The following ELK4 variants were observed in gnomAD, a reference collection of about 807,000 sequenced individuals.
The protein encoded by ELK4 is ETS transcription factor ELK4.
In ELK4, 16 loss-of-function variants were observed where a neutral mutation model predicts 29.6. That is an observed-to-expected ratio of 0.54 (90% CI 0.37 to 0.82). ELK4 has a LOEUF of 0.82. Among genes scored for constraint, ELK4 ranks in the 40% least tolerant of loss-of-function variants. ELK4 has a pLI of 0.00. For missense variants in ELK4, 465 were observed against 507.1 expected (o/e 0.92, Z 0.80); for synonymous variants, 213 against 191.1 (o/e 1.11, Z -0.95).
chr1:205,614,110 C>G lies in ELK4; in HGVS notation c.*2436G>C, dbSNP rs1287326243. 2.7e-5 allele frequency: 6 copies of G among 223,292 alleles called. No homozygotes were observed. The East Asian group carries it at 3.2e-4, about 12-fold the overall frequency. 13.8% of individuals were successfully genotyped at this position (223,292 alleles called of 1,614,324 possible). On this transcript the variant is annotated 3_prime_UTR_variant, in exon 5 of 5. Coordinates refer to ENST00000357992, the MANE Select transcript of ELK4 (RefSeq NM_001973.4). ...TTGATCTCAAAGAGATAGCAGATCACCAATCTGTGACAGCCTCACACCTCT... is the reference window on the plus strand; with the variant it reads ...TTGATCTCAAAGAGATAGCAGATCAGCAATCTGTGACAGCCTCACACCTCT...
In ELK4 at chr1:205,631,622, GA is replaced by G. The variant is rs770307876; in HGVS notation, c.-10+9del. The G allele has an allele frequency of 1.0e-4, 32 of 309,792 alleles. 1 individual carries two copies. The highest frequency in any genetic ancestry group is 5.3e-4 in the South Asian group (23 of 43,426). 19.2% of individuals were successfully genotyped at this position (309,792 alleles called of 1,614,324 possible). A position where few individuals can be genotyped will look rare whatever the true frequency, so the allele number is the denominator to read the frequency against. The stretch of plus-strand genomic sequence containing the variant: ...AGATCCCGAGGGGGCGCGCGGGGCT[GA>G]CCGCTCACCGACGCCGCGCGCGGGG... On this transcript the variant is annotated intron_variant, in intron 1 of 4. Transcript: ENST00000357992.
Position 205,622,987 on chromosome 1 carries a change from CAAAT to C in ELK4, c.207+685_207+688del, listed in dbSNP as rs568740583. 4.6e-3 allele frequency among the ~76,000 whole-genome samples: 694 copies of C among 151,624 alleles called. 3 individuals are homozygous for C. Among genetic ancestry groups the C allele is most frequent in the African/African-American group, 0.016 (665 of 41,418 alleles). ...ACCCCACCTCTACTAAAAAAATAAA[CAAAT>C]AAATAAATAATAAAAAATTAGCTGG... On this transcript the variant is annotated intron_variant, in intron 2 of 4. Transcript: ENST00000357992.
At position 205,614,105 on chromosome 1, in the gene ELK4, G is replaced by C. The variant is rs1264977642; in HGVS notation, c.*2441C>G. Reference sequence around the variant, plus strand: ...ATTAGTTGATCTCAAAGAGATAGCAGATCACCAATCTGTGACAGCCTCACA... The same window carrying C: ...ATTAGTTGATCTCAAAGAGATAGCACATCACCAATCTGTGACAGCCTCACA... On this transcript the variant is annotated 3_prime_UTR_variant, in exon 5 of 5. Coordinates refer to ENST00000357992, the MANE Select transcript of ELK4 (RefSeq NM_001973.4). 4.5e-6 allele frequency: 1 copy of C among 223,666 alleles called. No homozygotes were observed. The highest frequency in any genetic ancestry group is 2.2e-5 in the African/African-American group (1 of 44,800). 13.9% of individuals were successfully genotyped at this position (223,666 alleles called of 1,614,324 possible).
chr1:205,624,937 CCTTT>C (rs910847583), intron 1 of ELK4, among the ~76,000 whole-genome samples: 1 of 152,144 alleles, frequency 6.6e-6, no homozygotes, highest in African/African-American at 2.4e-5. Flanking sequence ...TTTCAAAACA[CCTTT>C]CTATTAGGAA....
intron 1 of ELK4, among the ~76,000 whole-genome samples, chr1:205,631,142 C>A (rs531677168): frequency 2.0e-5 from 3 of 152,258 alleles, no homozygotes; most frequent in African/African-American, 7.2e-5. Context: ...GGGCGGGGGG[C>A]CGCTGGAGCG....
At chr1:205,628,430 T>C (rs1020572131) in intron 1 of ELK4, among the ~76,000 whole-genome samples, 17 of 152,208 alleles carry the variant, frequency 1.1e-4, no homozygotes, top group African/African-American at 3.6e-4. Context: ...AGACTGCTTA[T>C]AGGGGTGGAG....
chr1:205,624,290 TAAA>T (rs1670411387), intron 1 of ELK4, among the ~76,000 whole-genome samples: 1 of 152,226 alleles, frequency 6.6e-6, no homozygotes. Flanking sequence ...ATTTGAATCC[TAAA>T]ATCTCATTGC....
intron 4 of ELK4, 104 bp from the exon 5 acceptor site, chr1:205,616,748 T>C: frequency 1.1e-6 from 1 of 906,038 alleles, no homozygotes; most frequent in Non-Finnish European, 1.7e-6. Context: ...CCTTCTGTAA[T>C]GGCTCACAGG....
At chr1:205,627,858 T>C (rs1435831480) in intron 1 of ELK4, among the ~76,000 whole-genome samples, 1 of 152,204 alleles carries the variant, frequency 6.6e-6, no homozygotes, top group African/African-American at 2.4e-5. Context: ...TGAAGCTGGT[T>C]GTACAGAGAC....
intron 2 of ELK4, among the ~76,000 whole-genome samples, chr1:205,622,248 G>T (rs904667465): frequency 6.6e-6 from 1 of 152,026 alleles, no homozygotes; most frequent in Non-Finnish European, 1.5e-5. Context: ...AAGAAATTAA[G>T]ATCTCAGCAA....
Position 205,616,519 on chromosome 1 carries a change from G to A in ELK4, c.*27C>T, listed in dbSNP as rs377458271. ...TTGAATGTCTGTTTCTTCGTTCCTCGGTTCTCTCATTCCACAAGTGCATAG... is the reference window on the plus strand; with the variant it reads ...TTGAATGTCTGTTTCTTCGTTCCTCAGTTCTCTCATTCCACAAGTGCATAG... On this transcript the variant is annotated 3_prime_UTR_variant, in exon 5 of 5. Coordinates refer to ENST00000357992, the MANE Select transcript of ELK4 (RefSeq NM_001973.4). 1.9e-5 allele frequency: 31 copies of A among 1,589,800 alleles called. No individual in the cohort carries two copies. The highest frequency in any genetic ancestry group is 1.7e-4 in the Middle Eastern group (1 of 6,040).
chr1:205,623,049 T>G (rs941363733), intron 2 of ELK4, among the ~76,000 whole-genome samples: 2 of 151,362 alleles, frequency 1.3e-5, no homozygotes, highest in South Asian at 4.2e-4. Flanking sequence ...TCCCAGCTAC[T>G]TGGGAGGCTG....
At position 205,614,630 on chromosome 1, in the gene ELK4, G is replaced by C. The variant is rs949641190; in HGVS notation, c.*1916C>G. On this transcript the variant is annotated 3_prime_UTR_variant, in exon 5 of 5. Transcript: ENST00000357992. ...GATATAAAGGCAGCTCACTGAATAT[G>C]TTCCCTCTACTACTACTAAGTTAGC... 2 of 226,984 alleles carry C rather than the reference G, an allele frequency of 8.8e-6. No individual in the cohort carries two copies. The highest frequency in any genetic ancestry group is 4.4e-5 in the African/African-American group (2 of 44,994). The allele number at this position is 226,984 out of a possible 1,614,324, so 14.1% of individuals were successfully genotyped here.
At chr1:205,629,066 C>G (rs1670521324) in intron 1 of ELK4, among the ~76,000 whole-genome samples, 3 of 149,602 alleles carry the variant, frequency 2.0e-5, no homozygotes, top group African/African-American at 7.4e-5. Context: ...CCCAGCTACT[C>G]GGCAGGCTGA....
At position 205,608,603 on chromosome 1, in the gene ELK4, G is replaced by A; in HGVS notation, c.*7943C>T. 5.1e-6 allele frequency: 1 copy of A among 195,734 alleles called. No homozygotes were observed. Among genetic ancestry groups the A allele is most frequent in the Non-Finnish European group, 1.1e-5 (1 of 94,256 alleles). The allele number at this position is 195,734 out of a possible 1,614,324, so 12.1% of individuals were successfully genotyped here. On this transcript the variant is annotated 3_prime_UTR_variant, in exon 5 of 5. Coordinates refer to ENST00000357992, the MANE Select transcript of ELK4 (RefSeq NM_001973.4). Reference sequence around the variant, plus strand: ...AAGGTGCTTTTAATACTTTGAAGGTGCTTTTTAGGTCTCCCTAATGTAAAT... The same window carrying A: ...AAGGTGCTTTTAATACTTTGAAGGTACTTTTTAGGTCTCCCTAATGTAAAT...
intron 1 of ELK4, among the ~76,000 whole-genome samples, chr1:205,626,363 T>C (rs1670462211): frequency 1.3e-5 from 2 of 152,190 alleles, no homozygotes; most frequent in South Asian, 4.1e-4. Context: ...CCCCTTTCTC[T>C]GCCCGCCTTT....
At position 205,626,998 on chromosome 1, in the gene ELK4, G is replaced by A. The variant is rs532807417; in HGVS notation, c.-9-3107C>T. Among the ~76,000 whole-genome samples the A allele has an allele frequency of 2.6e-5, 4 of 152,238 alleles. No homozygotes were observed. In the East Asian group the frequency reaches 5.8e-4, roughly 22 times the overall value. ...AGGAATGAGGTACACACACACACAA[G>A]GACAAACCTTGAAAACATTATGCAA... On this transcript the variant is annotated intron_variant, in intron 1 of 4. Transcript: ENST00000357992.
chr1:205,624,003 T>C (rs1670403797), intron 1 of ELK4, 112 bp from the exon 2 acceptor site: 2 of 978,568 alleles, frequency 2.0e-6, no homozygotes, highest in African/African-American at 1.6e-5. Context: ...TCCCCACATT[T>C]CTATAAGGTA....
chr1:205,610,319 T>G lies in ELK4; in HGVS notation c.*6227A>C, dbSNP rs1670133393. ...GCCCAAGACACTCCACTCTGAGGTT[T>G]TGGCTAATACTAATGACATACAGTT... On this transcript the variant is annotated 3_prime_UTR_variant, in exon 5 of 5. Coordinates refer to ENST00000357992, the MANE Select transcript of ELK4 (RefSeq NM_001973.4). 2 of 231,510 alleles carry G rather than the reference T, an allele frequency of 8.6e-6. No individual in the cohort carries two copies. The highest frequency in any genetic ancestry group is 1.7e-5 in the Non-Finnish European group (2 of 117,004). The allele number at this position is 231,510 out of a possible 1,614,324, so 14.3% of individuals were successfully genotyped here.
Sources: gnomAD v4.1 joint callset for allele counts (sites outside exome capture counted in the v4.1 genomes callset) on GRCh38, gnomAD v4.1.1 for gene constraint, MANE v1.5 for transcripts, NCBI Gene and HGNC (gene_info 2026-07-23, HGNC 2026-07-21) for gene names.